Variants in UBAP2L observed in about 807,000 individuals in gnomAD.
The protein encoded by UBAP2L is ubiquitin-associated protein 2-like.
In UBAP2L, 12 loss-of-function variants were observed where a neutral mutation model predicts 130.6. The observed-to-expected ratio is 0.09, with a 90% CI of 0.06 to 0.15. UBAP2L has a LOEUF of 0.15. Among genes scored for constraint, UBAP2L ranks in the 10% least tolerant of loss-of-function variants. The probability of loss-of-function intolerance (pLI) is 1.00; values close to 1 mark genes in which losing one functional copy is unlikely to be tolerated. For synonymous variants in UBAP2L, 503 were observed against 524.7 expected (o/e 0.96, Z 0.57); for missense variants, 965 against 1,332.5 (o/e 0.72, Z 4.29).
intron 15 of UBAP2L, 146 bp downstream of exon 15, chr1:154,254,235 C>T (rs565048011): frequency 2.7e-6 from 2 of 741,884 alleles, no homozygotes; most frequent in African/African-American, 1.9e-5. Context: ...ACATCTGTGG[C>T]TAGTGAATTA....
At chr1:154,239,950 T>C (rs1248716664) in intron 8 of UBAP2L, among the ~76,000 whole-genome samples, 1 of 152,136 alleles carries the variant, frequency 6.6e-6, no homozygotes, top group Non-Finnish European at 1.5e-5. Flanking sequence ...TTTAATATTT[T>C]CCTGGGAAAG....
At chr1:154,221,706 T>G (rs929134282) in intron 1 of UBAP2L, among the ~76,000 whole-genome samples, 8 of 152,342 alleles carry the variant, frequency 5.3e-5, no homozygotes, top group Admixed American at 3.3e-4. Context: ...CCAGGCTCTT[T>G]GTCAGCTCCT....
chr1:154,231,769 T>C (rs1669912290), intron 4 of UBAP2L, among the ~76,000 whole-genome samples: 1 of 152,188 alleles, frequency 6.6e-6, no homozygotes, highest in African/African-American at 2.4e-5. Flanking sequence ...TAATATTCCG[T>C]TGTACATATA....
chr1:154,266,417 AGGCTAC>A, intron 24 of UBAP2L, 78 bp from the exon 25 acceptor site: 1 of 1,418,298 alleles, frequency 7.1e-7, no homozygotes, highest in South Asian at 1.1e-5. Context: ...ATAGCTAGAA[AGGCTAC>A]AGATATCACC....
At chr1:154,271,188 A>G (rs1261349515), downstream of UBAP2L, 8 of 430,730 alleles carry the variant, frequency 1.9e-5, 1 homozygote, top group Middle Eastern at 6.3e-4. Context: ...TGGAAAATGG[A>G]GAGGATCAAG....
chr1:154,235,000 A>G (rs1473980223), intron 5 of UBAP2L, among the ~76,000 whole-genome samples, 196 bp from the exon 6 acceptor site: 2 of 152,162 alleles, frequency 1.3e-5, no homozygotes, highest in African/African-American at 4.8e-5. Flanking sequence ...GCAGCTCTCC[A>G]TTAAGGCACA....
At chr1:154,228,127 G>A (rs374130633) in intron 3 of UBAP2L, among the ~76,000 whole-genome samples, 3 of 151,732 alleles carry the variant, frequency 2.0e-5, no homozygotes, top group African/African-American at 2.4e-5. Context: ...GCGGGGGTTG[G>A]GGGGGTGGTT....
rs370381277 is a variant in UBAP2L at position 154,235,392 on chromosome 1, ACCCAGG to A, written c.544+104_544+109del. ...TTTTATTGGAGGTAGTCTCACTCTCACCCAGGCCGGAGTGCAGTGGCACAGTCATAG... is the reference window on the plus strand; with the variant it reads ...TTTTATTGGAGGTAGTCTCACTCTCACCGGAGTGCAGTGGCACAGTCATAG... On this transcript the variant is annotated intron_variant, in intron 6 of 26. Coordinates refer to ENST00000428931, the MANE Select transcript of UBAP2L (RefSeq NM_014847.4). The A allele has an allele frequency of 2.0e-3, 1,200 of 609,424 alleles. 16 individuals are homozygous for A. In the African/African-American group the frequency reaches 0.02, roughly 10 times the overall value. The allele number at this position is 609,424 out of a possible 1,614,324, so 37.8% of individuals were successfully genotyped here.
intron 10 of UBAP2L, among the ~76,000 whole-genome samples, chr1:154,245,319 T>C (rs973115115): frequency 7.2e-5 from 11 of 152,156 alleles, no homozygotes; most frequent in Non-Finnish European, 1.5e-4. Context: ...TTGAAAGAAG[T>C]GTGTTATGAG....
At chr1:154,226,375 A>G (rs189695212) in intron 2 of UBAP2L, among the ~76,000 whole-genome samples, 124 of 152,344 alleles carry the variant, frequency 8.1e-4, no homozygotes, top group Middle Eastern at 3.4e-3. Flanking sequence ...TGTTTCTCAT[A>G]CCAGGTTGAT....
At chr1:154,246,024 G>A (rs1305301736) in intron 10 of UBAP2L, among the ~76,000 whole-genome samples, 180 bp from the exon 11 acceptor site, 6 of 152,216 alleles carry the variant, frequency 3.9e-5, no homozygotes. Flanking sequence ...GCTATATACT[G>A]TAGTGACTCT....
At chr1:154,242,132 G>A (rs1449705900) in intron 9 of UBAP2L, among the ~76,000 whole-genome samples, 5 of 152,182 alleles carry the variant, frequency 3.3e-5, no homozygotes, top group African/African-American at 1.2e-4. Context: ...TCATAGATGG[G>A]TGGCACGTAA....
chr1:154,269,479 C>G (rs1008612612), intron 26 of UBAP2L: 74 of 1,252,146 alleles, frequency 5.9e-5, no homozygotes, highest in Non-Finnish European at 7.6e-5. Context: ...CCTTCACAGC[C>G]TCAGGGAACT....
At position 154,251,383 on chromosome 1, in the gene UBAP2L, AAAAGGGT is replaced by A; in HGVS notation, c.1491+68_1491+74del. ...GGTGTGGGGCTTGAGAATTGAGATT[AAAAGGGT>A]AAGTTTGGAAATTTAAAGGGAAGGG... On this transcript the variant is annotated intron_variant, in intron 13 of 26. Transcript: ENST00000428931. 8.2e-6 allele frequency: 13 copies of A among 1,577,750 alleles called. No homozygotes were observed. In the South Asian group the frequency reaches 1.5e-4, roughly 19 times the overall value.
intron 1 of UBAP2L, among the ~76,000 whole-genome samples, chr1:154,222,681 C>G (rs1666669112): frequency 6.6e-6 from 1 of 152,210 alleles, no homozygotes; most frequent in Non-Finnish European, 1.5e-5. Flanking sequence ...TTACCCAACT[C>G]AGTCTAGCTT....
chr1:154,247,409 G>A (rs905563521), intron 11 of UBAP2L, among the ~76,000 whole-genome samples: 4 of 151,998 alleles, frequency 2.6e-5, no homozygotes, highest in Non-Finnish European at 4.4e-5. Context: ...AAAGAAAATA[G>A]GACAAAGGTT....
rs1672709636 is a variant in UBAP2L at position 154,239,288 on chromosome 1, G to T, written c.703+2152G>T. ...GACTTGATTTCATTGGGGTTGAGGGGTCAAATTATCCCCCAAAATTATCCC... is the reference window on the plus strand; with the variant it reads ...GACTTGATTTCATTGGGGTTGAGGGTTCAAATTATCCCCCAAAATTATCCC... On this transcript the variant is annotated intron_variant, in intron 8 of 26. Transcript: ENST00000428931. Among the ~76,000 whole-genome samples the T allele has an allele frequency of 2.0e-5, 3 of 151,912 alleles. No homozygotes were observed. The South Asian group carries it at 6.2e-4, about 32-fold the overall frequency.
intron 23 of UBAP2L, 132 bp from the exon 24 acceptor site, chr1:154,261,460 C>T (rs1681520444): frequency 1.1e-6 from 1 of 877,282 alleles, no homozygotes; most frequent in African/African-American, 1.7e-5. Flanking sequence ...GAGCTAATTT[C>T]ACTAAGCAAA....
intron 20 of UBAP2L, chr1:154,257,699 A>G (rs1680099047): frequency 2.2e-6 from 1 of 446,864 alleles, no homozygotes; most frequent in Non-Finnish European, 4.0e-6. Flanking sequence ...ATTAAAATAT[A>G]AAATAAATGA....
Sources: allele counts gnomAD v4.1 joint callset (sites outside exome capture counted in the v4.1 genomes callset), GRCh38; gene constraint gnomAD v4.1.1; transcripts MANE v1.5; gene names NCBI Gene and HGNC (gene_info 2026-07-23, HGNC 2026-07-21).